RNF182: variants seen among roughly 807,000 people sequenced by gnomAD.
The protein encoded by RNF182 is E3 ubiquitin-protein ligase RNF182.
A neutral mutation model predicts 14.4 loss-of-function variants in RNF182; 15 were observed. That is an observed-to-expected ratio of 1.04 (90% CI 0.70 to 1.60). The LOEUF is 1.60. Among genes scored for constraint, RNF182 ranks in the 40% most tolerant of loss-of-function variants. The probability of loss-of-function intolerance (pLI) is 0.00; values close to 1 mark genes in which losing one functional copy is unlikely to be tolerated. For synonymous variants in RNF182, 128 were observed against 122.9 expected (o/e 1.04, Z -0.27); for missense variants, 268 against 294.8 (o/e 0.91, Z 0.67).
At chr6:13,932,165 C>T (rs1758988236) in intron 1 of RNF182, among the ~76,000 whole-genome samples, 1 of 152,104 alleles carries the variant, frequency 6.6e-6, no homozygotes, top group African/African-American at 2.4e-5. Flanking sequence ...AAAGTGGAGA[C>T]AATAATATTA....
At chr6:13,976,082 A>C (rs1760313786) in intron 2 of RNF182, among the ~76,000 whole-genome samples, 1 of 152,230 alleles carries the variant, frequency 6.6e-6, no homozygotes, top group Admixed American at 6.5e-5. Context: ...GTTTGCATGA[A>C]ATAAAGTAGA....
Position 13,977,343 on chromosome 6 carries a change from A to T in RNF182, c.224A>T (p.Asp75Val). The T allele has an allele frequency of 1.2e-6, 2 of 1,614,204 alleles. No homozygotes were observed. Among genetic ancestry groups the T allele is most frequent in the Non-Finnish European group, 1.7e-6 (2 of 1,180,032 alleles). Residue 75 changes from aspartate (D) to valine (V), a missense_variant, in exon 3 of 3, where the codon GAT becomes GTT. By Grantham distance (152) the Asp-to-Val change is radical (BLOSUM62 -3). Transcript: ENST00000488300. ...TGCAGGTTTGAGACGTGCCTGCCAG[A>T]TGATGAAGTTAGTAGCCTGCCCGAT... ...PFCRFETCLP[D>V]DEVSSLPDDN...
At chr6:13,975,453 A>G (rs1322121053) in intron 2 of RNF182, among the ~76,000 whole-genome samples, 1 of 152,196 alleles carries the variant, frequency 6.6e-6, no homozygotes. Context: ...TTTGAAATAC[A>G]GGCATACATA....
chr6:13,969,427 A>T (rs552173082), intron 1 of RNF182, among the ~76,000 whole-genome samples: 1 of 152,196 alleles, frequency 6.6e-6, no homozygotes, highest in South Asian at 2.1e-4. Flanking sequence ...CTTTGGAGAG[A>T]AGGGAGGTAC....
chr6:13,963,458 G>C (rs1010568776), intron 1 of RNF182, among the ~76,000 whole-genome samples: 3 of 152,176 alleles, frequency 2.0e-5, no homozygotes, highest in Admixed American at 6.5e-5. Flanking sequence ...TGAGTCTGTG[G>C]CTCAGCATTT....
chr6:13,942,059 A>G (rs965845215), intron 1 of RNF182, among the ~76,000 whole-genome samples: 7 of 152,052 alleles, frequency 4.6e-5, no homozygotes, highest in Admixed American at 6.6e-5. Flanking sequence ...TTTGAAGCAT[A>G]TTTTTGCTGC....
At chr6:13,974,550 A>G (rs577906833) in intron 2 of RNF182, among the ~76,000 whole-genome samples, 186 bp downstream of exon 2, 11 of 152,334 alleles carry the variant, frequency 7.2e-5, no homozygotes, top group Admixed American at 2.0e-4. Context: ...TAATAGCTCA[A>G]TATTTTCAAG....
At chr6:13,969,057 A>T (rs1366375199) in intron 1 of RNF182, among the ~76,000 whole-genome samples, 5 of 152,186 alleles carry the variant, frequency 3.3e-5, no homozygotes, top group African/African-American at 1.2e-4. Context: ...TTCATACATT[A>T]TTGACTTCAG....
intron 1 of RNF182, among the ~76,000 whole-genome samples, chr6:13,970,259 T>C (rs2113643852): frequency 6.6e-6 from 1 of 152,312 alleles, no homozygotes; most frequent in South Asian, 2.1e-4. Context: ...TCTGATTGTA[T>C]GTTTGTACCC....
At chr6:13,964,583 A>G (rs570794119) in intron 1 of RNF182, among the ~76,000 whole-genome samples, 1 of 152,118 alleles carries the variant, frequency 6.6e-6, no homozygotes, top group South Asian at 2.1e-4. Flanking sequence ...GAGCCAGCAG[A>G]CCCCTGAGTG....
intron 1 of RNF182, among the ~76,000 whole-genome samples, chr6:13,932,270 A>G (rs1054309465): frequency 6.6e-6 from 1 of 152,206 alleles, no homozygotes. Context: ...AGAAAGGAAA[A>G]TTAATATTTA....
At chr6:13,940,712 C>T (rs948188296) in intron 1 of RNF182, among the ~76,000 whole-genome samples, 1 of 152,040 alleles carries the variant, frequency 6.6e-6, no homozygotes, top group Non-Finnish European at 1.5e-5. Flanking sequence ...ACTTTTCTAA[C>T]ATATGCATTC....
chr6:13,967,862 G>C (rs1320388029), intron 1 of RNF182, among the ~76,000 whole-genome samples: 1 of 152,024 alleles, frequency 6.6e-6, no homozygotes, highest in African/African-American at 2.4e-5. Flanking sequence ...GCCTGGCCCT[G>C]TATTACCTTT....
chr6:13,954,574 T>TAATTTAA (rs1381596973), intron 1 of RNF182, among the ~76,000 whole-genome samples: 1 of 152,162 alleles, frequency 6.6e-6, no homozygotes, highest in Non-Finnish European at 1.5e-5. Context: ...TTAAATTTTT[T>TAATTTAA]TTTTAGCTCT....
chr6:13,973,912 TAC>T (rs1286835128), intron 1 of RNF182, among the ~76,000 whole-genome samples: 4 of 152,214 alleles, frequency 2.6e-5, no homozygotes, highest in African/African-American at 7.2e-5. Context: ...AATGGACTCA[TAC>T]AGTATTACTC....
Position 13,977,010 on chromosome 6 carries a change from C to T in RNF182, c.-110C>T. On this transcript the variant is annotated 5_prime_UTR_variant, in exon 3 of 3. Coordinates refer to ENST00000488300, the MANE Select transcript of RNF182 (RefSeq NM_152737.4). The stretch of plus-strand genomic sequence containing the variant: ...TGGTTTCTTTCACTACTTATCCTGC[C>T]TTTTTGCATCGCTGCCAGATTTGGA... The T allele has an allele frequency of 3.3e-6, 4 of 1,200,330 alleles. No homozygotes were observed. The highest frequency in any genetic ancestry group is 4.7e-6 in the Non-Finnish European group (4 of 853,802). 74.4% of individuals were successfully genotyped at this position (1,200,330 alleles called of 1,614,324 possible).
At chr6:13,959,399 G>A (rs965277268) in intron 1 of RNF182, among the ~76,000 whole-genome samples, 2 of 152,182 alleles carry the variant, frequency 1.3e-5, no homozygotes, top group Non-Finnish European at 2.9e-5. Context: ...TAATCTCTAT[G>A]TAATGAAAAA....
Position 13,978,026 on chromosome 6 carries a change from G to A in RNF182, c.*163G>A. 1.2e-6 allele frequency: 1 copy of A among 809,648 alleles called. No individual in the cohort carries two copies. The highest frequency in any genetic ancestry group is 1.9e-6 in the Non-Finnish European group (1 of 523,600). 50.2% of individuals were successfully genotyped at this position (809,648 alleles called of 1,614,324 possible). On this transcript the variant is annotated 3_prime_UTR_variant, in exon 3 of 3. Coordinates refer to ENST00000488300, the MANE Select transcript of RNF182 (RefSeq NM_152737.4). ...TGATTGGTTTTCCTGTAGGCTGGAAGTAAAAATGTTCATTTCTACTTAGGG... is the reference window on the plus strand; with the variant it reads ...TGATTGGTTTTCCTGTAGGCTGGAAATAAAAATGTTCATTTCTACTTAGGG...
chr6:13,946,195 C>G (rs1180104263), intron 1 of RNF182, among the ~76,000 whole-genome samples: 1 of 120,992 alleles, frequency 8.3e-6, no homozygotes, highest in Non-Finnish European at 1.8e-5. Flanking sequence ...GAGATAGAGT[C>G]CTGCTCTGTT....
Sources: allele counts gnomAD v4.1 joint callset (sites outside exome capture counted in the v4.1 genomes callset), GRCh38; gene constraint gnomAD v4.1.1; transcripts MANE v1.5; gene names NCBI Gene and HGNC (gene_info 2026-07-23, HGNC 2026-07-21).